Variants in CDH18 observed in about 807,000 individuals in gnomAD.
The protein encoded by CDH18 is cadherin 18, also known as cadherin-18.
CDH18 carries 31 observed loss-of-function variants against 67.9 expected under a neutral mutation model. That is an observed-to-expected ratio of 0.46 (90% CI 0.34 to 0.62). The LOEUF (loss-of-function observed/expected upper bound fraction) is 0.62, where lower values mean the gene tolerates loss of function less well. Ranked by LOEUF, CDH18 falls within the 20% of genes least tolerant of loss-of-function variation. The pLI, the probability that CDH18 is intolerant of heterozygous loss-of-function variation, is 0.01. For missense variants in CDH18, 890 were observed against 975.5 expected (o/e 0.91, Z 1.17); for synonymous variants, 362 against 347.2 (o/e 1.04, Z -0.48).
At chr5:20,478,980 G>A (rs991934722) in intron 1 of CDH18, among the ~76,000 whole-genome samples, 2 of 152,106 alleles carry the variant, frequency 1.3e-5, no homozygotes, top group Non-Finnish European at 2.9e-5. Context: ...CAATTCTTCC[G>A]GATCTCACCC....
At chr5:20,234,626 C>T (rs968970832) in intron 2 of CDH18, among the ~76,000 whole-genome samples, 11 of 151,958 alleles carry the variant, frequency 7.2e-5, no homozygotes, top group African/African-American at 2.7e-4. Flanking sequence ...CTGTGAAAAA[C>T]AAATGTTTAT....
intron 1 of CDH18, among the ~76,000 whole-genome samples, chr5:20,288,153 T>C (rs978984938): frequency 1.3e-5 from 2 of 151,660 alleles, no homozygotes; most frequent in Admixed American, 6.6e-5. Context: ...TCTGCAAGAA[T>C]CTACTTTGCA....
chr5:19,505,854 C>G (rs1744056636), intron 10 of CDH18, among the ~76,000 whole-genome samples: 1 of 151,990 alleles, frequency 6.6e-6, no homozygotes, highest in South Asian at 2.1e-4. Flanking sequence ...GGGAGGATTC[C>G]CTATTTTTCT....
chr5:20,219,467 A>T (rs576519746), intron 2 of CDH18, among the ~76,000 whole-genome samples: 16 of 151,778 alleles, frequency 1.1e-4, no homozygotes, highest in East Asian at 9.7e-4. Context: ...ATACTTCCAA[A>T]CTTATTGTAT....
At chr5:20,391,548 A>G (rs4866053) in intron 1 of CDH18, among the ~76,000 whole-genome samples, 149,929 of 152,156 alleles carry the variant, frequency 0.99, 73,915 homozygotes, top group Middle Eastern at 1. Flanking sequence ...TCTTATTCCT[A>G]TGTTCTATTT....
chr5:19,601,587 A>G (rs1747126834), intron 6 of CDH18, among the ~76,000 whole-genome samples: 1 of 151,856 alleles, frequency 6.6e-6, no homozygotes, highest in Admixed American at 6.6e-5. Flanking sequence ...GAGGGAAATT[A>G]CCTAATTTAT....
chr5:20,530,486 T>C lies in CDH18; in HGVS notation c.-580+44976A>G, dbSNP rs374207510. Among the ~76,000 whole-genome samples, 18 of 152,110 alleles carry C rather than the reference T, an allele frequency of 1.2e-4. No homozygotes were observed. In the East Asian group the frequency reaches 2.5e-3, roughly 21 times the overall value. ...GGCATCACACTACCTGACTTCAAAC[T>C]ATACTACAAGGCAACAGTGACCAAA... On this transcript the variant is annotated intron_variant, in intron 1 of 14. Transcript: ENST00000507958.
intron 1 of CDH18, among the ~76,000 whole-genome samples, chr5:20,431,504 AAAG>A (rs1553997937): frequency 2.2e-5 from 3 of 138,744 alleles, no homozygotes; most frequent in African/African-American, 8.0e-5. Context: ...AAAAAAAAAA[AAAG>A]AAGAAGAAAA....
intron 2 of CDH18, among the ~76,000 whole-genome samples, chr5:20,061,487 G>A (rs1428004378): frequency 2.6e-5 from 4 of 152,072 alleles, no homozygotes; most frequent in Non-Finnish European, 4.4e-5. Context: ...AATTTTAGAT[G>A]TATAAATAAT....
intron 2 of CDH18, among the ~76,000 whole-genome samples, chr5:20,069,407 T>TTTTATTTATTTA (rs34618982): frequency 3.4e-5 from 5 of 147,858 alleles, no homozygotes; most frequent in African/African-American, 1.2e-4. Flanking sequence ...TTTTTATTAT[T>TTTTATTTATTTA]TTTATTTATT....
intron 2 of CDH18, among the ~76,000 whole-genome samples, chr5:20,142,315 C>G (rs929763969): frequency 1.3e-5 from 2 of 152,076 alleles, no homozygotes; most frequent in African/African-American, 4.8e-5. Context: ...TGTGGTGGTT[C>G]ATACCTATAA....
intron 1 of CDH18, among the ~76,000 whole-genome samples, chr5:20,391,730 G>T (rs887089843): frequency 2.8e-4 from 43 of 151,994 alleles, no homozygotes; most frequent in African/African-American, 9.9e-4. Flanking sequence ...ACATTGATGT[G>T]TAAAACCCAG....
At chr5:19,929,335 A>G (rs978558357) in intron 2 of CDH18, among the ~76,000 whole-genome samples, 1 of 152,122 alleles carries the variant, frequency 6.6e-6, no homozygotes, top group Non-Finnish European at 1.5e-5. Flanking sequence ...TCCATGCTCC[A>G]TAAGAACAGA....
intron 2 of CDH18, among the ~76,000 whole-genome samples, chr5:19,937,841 G>T (rs1044329941): frequency 1.3e-5 from 2 of 150,258 alleles, no homozygotes; most frequent in Non-Finnish European, 3.0e-5. Flanking sequence ...ATATAATAAA[G>T]GGCTAGACTG....
At position 19,542,396 on chromosome 5, in the gene CDH18, C is replaced by A. The variant is rs1161079516; in HGVS notation, c.1390+1473G>T. ...ATCAAGTGGCTACACATAAGAGTTA[C>A]CAGCAATTTCACTCCTAGGCATATA... On this transcript the variant is annotated intron_variant, in intron 9 of 12. Transcript: ENST00000382275. Among the ~76,000 whole-genome samples, 3 of 152,206 alleles carry A rather than the reference C, an allele frequency of 2.0e-5. No individual in the cohort carries two copies. The East Asian group carries it at 5.8e-4, about 29-fold the overall frequency.
chr5:20,024,325 G>T (rs1738698850), intron 2 of CDH18, among the ~76,000 whole-genome samples: 1 of 152,172 alleles, frequency 6.6e-6, no homozygotes, highest in African/African-American at 2.4e-5. Context: ...CCAGGTGTCT[G>T]GGACTGGGGT....
chr5:20,534,092 A>G (rs1756571783), intron 1 of CDH18, among the ~76,000 whole-genome samples: 1 of 152,074 alleles, frequency 6.6e-6, no homozygotes, highest in African/African-American at 2.4e-5. Context: ...TTAGAGGTTA[A>G]GACTAATATT....
At chr5:19,836,298 T>C (rs1781623031) in intron 3 of CDH18, among the ~76,000 whole-genome samples, 1 of 152,178 alleles carries the variant, frequency 6.6e-6, no homozygotes, top group Admixed American at 6.6e-5. Context: ...TGGAAAAGTG[T>C]TCCTATTTCT....
intron 11 of CDH18, among the ~76,000 whole-genome samples, chr5:19,493,583 T>C (rs1172401100): frequency 6.6e-6 from 1 of 151,422 alleles, no homozygotes; most frequent in Non-Finnish European, 1.5e-5. Context: ...GCGTTTGTCT[T>C]CATTTTGAAT....
Sources: gnomAD v4.1 joint callset for allele counts (sites outside exome capture counted in the v4.1 genomes callset) on GRCh38, gnomAD v4.1.1 for gene constraint, MANE v1.5 for transcripts, NCBI Gene and HGNC (gene_info 2026-07-23, HGNC 2026-07-21) for gene names.